Variants in FBH1 observed in about 807,000 individuals in gnomAD.
FBH1 encodes the protein F-box DNA helicase 1, also known as DNA 3'-5' helicase 1.
A neutral mutation model predicts 115.5 loss-of-function variants in FBH1; 43 were observed. The observed-to-expected ratio is 0.37, with a 90% confidence interval of 0.29 to 0.48. The LOEUF is 0.48. Among genes scored for constraint, FBH1 ranks in the 20% least tolerant of loss-of-function variants. FBH1 has a pLI of 0.99. For missense variants in FBH1, 1,001 were observed against 1,337.3 expected (o/e 0.75, Z 3.92); for synonymous variants, 524 against 507.8 (o/e 1.03, Z -0.43).
chr10:5,902,186 A>G (rs1257360245), intron 1 of FBH1, among the ~76,000 whole-genome samples: 1 of 151,980 alleles, frequency 6.6e-6, no homozygotes, highest in Non-Finnish European at 1.5e-5. Flanking sequence ...GTCAGTTCTC[A>G]ATACCAAGGG....
rs1016528222 is a variant in FBH1, at chr10:5,900,872, G to A, written c.2-2148G>A. Among the ~76,000 whole-genome samples, 3 of 152,208 alleles carry A rather than the reference G, an allele frequency of 2.0e-5. No individual in the cohort carries two copies. Among genetic ancestry groups the A allele is most frequent in the East Asian group, 3.9e-4 (2 of 5,174 alleles). On this transcript the variant is annotated intron_variant, in intron 1 of 20. Coordinates refer to ENST00000362091, the MANE Select transcript of FBH1 (RefSeq NM_178150.3). The surrounding 1 kb of genome is among the most constrained non-coding windows in gnomAD (Gnocchi z 4.2). The stretch of plus-strand genomic sequence containing the variant: ...AGCACTTTGGGAGGCCGAGGTGGAC[G>A]GATCACTTGAGGCCAGGAGTTCGAG...
In FBH1 at chr10:5,918,632, A is replaced by G. The variant is rs1314851640; in HGVS notation, c.2100+154A>G. Among the ~76,000 whole-genome samples, 2 of 152,112 alleles carry G rather than the reference A, an allele frequency of 1.3e-5. No homozygotes were observed. Among genetic ancestry groups the G allele is most frequent in the African/African-American group, 4.8e-5 (2 of 41,428 alleles). The stretch of plus-strand genomic sequence containing the variant: ...AAGTGTGGTTCTCAGGGGTCTGCCA[A>G]GTCACACTGTTTTCATAAGAGGTGT... On this transcript the variant is annotated intron_variant, in intron 13 of 20. Coordinates refer to ENST00000362091, the MANE Select transcript of FBH1 (RefSeq NM_178150.3). The surrounding 1 kb of genome is among the most constrained non-coding windows in gnomAD (Gnocchi z 4.0).
intron 2 of FBH1, among the ~76,000 whole-genome samples, 188 bp from the exon 3 acceptor site, chr10:5,905,847 AAT>A (rs1843659419): frequency 6.6e-6 from 1 of 152,252 alleles, no homozygotes; most frequent in South Asian, 2.1e-4. Context: ...TGTGTCTGGT[AAT>A]ATGATAGAGC....
intron 1 of FBH1, among the ~76,000 whole-genome samples, chr10:5,901,625 C>T (rs941728048): frequency 1.4e-5 from 2 of 145,644 alleles, no homozygotes; most frequent in Non-Finnish European, 3.0e-5. Context: ...AGTGCAATGG[C>T]ACAATCTTGG....
intron 15 of FBH1, among the ~76,000 whole-genome samples, chr10:5,922,598 C>T (rs986972660): frequency 2.0e-5 from 3 of 150,194 alleles, no homozygotes; most frequent in African/African-American, 4.9e-5. Flanking sequence ...TGTCATTACA[C>T]GTGATCACAC....
chr10:5,917,969 A>G lies in FBH1; in HGVS notation c.1963+293A>G, dbSNP rs527961279. On this transcript the variant is annotated intron_variant, in intron 12 of 20. Transcript: ENST00000362091. The surrounding 1 kb of genome is among the most constrained non-coding windows in gnomAD (Gnocchi z 5.6). Reference sequence around the variant, plus strand: ...AAGAGATCGTCCATTGACAGGGAAAAGCTTGTGTTGTCTACTTCTCAAGTG... The same window carrying G: ...AAGAGATCGTCCATTGACAGGGAAAGGCTTGTGTTGTCTACTTCTCAAGTG... Among the ~76,000 whole-genome samples the G allele has an allele frequency of 1.7e-4, 26 of 152,318 alleles. No individual in the cohort carries two copies. The highest frequency in any genetic ancestry group is 5.8e-4 in the African/African-American group (24 of 41,578).
At chr10:5,899,329 G>T (rs588742) in intron 1 of FBH1, among the ~76,000 whole-genome samples, 1 of 151,976 alleles carries the variant, frequency 6.6e-6, no homozygotes, top group African/African-American at 2.4e-5. Flanking sequence ...GTTTTGTTTT[G>T]TTTTTTTCCT....
At chr10:5,920,591 G>C (rs1276921076) in intron 13 of FBH1, among the ~76,000 whole-genome samples, 3 of 151,990 alleles carry the variant, frequency 2.0e-5, no homozygotes, top group African/African-American at 7.3e-5. Context: ...TTATAATTTC[G>C]GTTATGGTTC....
chr10:5,913,066 C>G lies in FBH1; in HGVS notation c.1212-681C>G, dbSNP rs556396057. 3.9e-5 allele frequency among the ~76,000 whole-genome samples: 6 copies of G among 152,222 alleles called. No homozygotes were observed. The South Asian group carries it at 1.2e-3, about 32-fold the overall frequency. On this transcript the variant is annotated intron_variant, in intron 6 of 20. Coordinates refer to ENST00000362091, the MANE Select transcript of FBH1 (RefSeq NM_178150.3). This position sits in a 1 kb window ranked among gnomAD's most constrained non-coding sequence, Gnocchi z 4.4. ...GAGTCCAAGCTCACCCCCGGTCTCC[C>G]CCACAGTCCAGGGGAGACTTGGAGA... is the stretch of plus-strand genomic sequence containing the variant.
chr10:5,924,544 G>C lies in FBH1; in HGVS notation c.2596+36G>C. On this transcript the variant is annotated intron_variant, in intron 17 of 20. Transcript: ENST00000362091. This position sits in a 1 kb window ranked among gnomAD's most constrained non-coding sequence, Gnocchi z 6.2. ...CAGTTGGTTTTTACCTTCCCCCTAA[G>C]AGGAGGAACAGATGGTCTTCTGCTG... 1 of 1,589,612 alleles carries C rather than the reference G, an allele frequency of 6.3e-7. No homozygotes were observed. The highest frequency in any genetic ancestry group is 1.1e-5 in the South Asian group (1 of 90,178).
At position 5,914,948 on chromosome 10, in the gene FBH1, G is replaced by A. The variant is rs1831832778; in HGVS notation, c.1397-455G>A. Among the ~76,000 whole-genome samples the A allele has an allele frequency of 6.6e-6, 1 of 152,188 alleles. No homozygotes were observed. Among genetic ancestry groups the A allele is most frequent in the Admixed American group, 6.5e-5 (1 of 15,276 alleles). On this transcript the variant is annotated intron_variant, in intron 8 of 20. Transcript: ENST00000362091. This position sits in a 1 kb window ranked among gnomAD's most constrained non-coding sequence, Gnocchi z 5.2. ...TAGTTATTCTTGTTTTATAGAGGAA[G>A]AAACTGAAGCACAGAGAGCCTTGCC...
Position 5,911,212 on chromosome 10 carries a change from C to G in FBH1, c.1211+84C>G, listed in dbSNP as rs942651998. Reference sequence around the variant, plus strand: ...CAGCAGGTCCAGCCCTGCCACTTAGCAGTGTTAGCACCTGGCAGGCTGTGG... The same window carrying G: ...CAGCAGGTCCAGCCCTGCCACTTAGGAGTGTTAGCACCTGGCAGGCTGTGG... On this transcript the variant is annotated intron_variant, in intron 6 of 20. Coordinates refer to ENST00000362091, the MANE Select transcript of FBH1 (RefSeq NM_178150.3). This position sits in a 1 kb window ranked among gnomAD's most constrained non-coding sequence, Gnocchi z 5.4. 3 of 1,373,426 alleles carry G rather than the reference C, an allele frequency of 2.2e-6. No individual in the cohort carries two copies. The highest frequency in any genetic ancestry group is 2.9e-5 in the African/African-American group (2 of 69,590). The allele number at this position is 1,373,426 out of a possible 1,614,324, so 85.1% of individuals were successfully genotyped here. A position where few individuals can be genotyped will look rare whatever the true frequency, so the allele number is the denominator to read the frequency against.
Position 5,921,784 on chromosome 10 carries a change from G to A in FBH1, c.2322+215G>A, listed in dbSNP as rs1389758168. Among the ~76,000 whole-genome samples the A allele has an allele frequency of 1.3e-5, 2 of 152,194 alleles. No homozygotes were observed. Among genetic ancestry groups the A allele is most frequent in the Non-Finnish European group, 2.9e-5 (2 of 68,042 alleles). ...GAAAGGCAGACACAAGAAGGGCTGG[G>A]GACCTTAGTTTCCACTCTTTTAACA... On this transcript the variant is annotated intron_variant, in intron 15 of 20. Coordinates refer to ENST00000362091, the MANE Select transcript of FBH1 (RefSeq NM_178150.3). This position sits in a 1 kb window ranked among gnomAD's most constrained non-coding sequence, Gnocchi z 6.4.
At chr10:5,908,816 G>T in intron 3 of FBH1, 109 bp from the exon 4 acceptor site, 2 of 1,231,370 alleles carry the variant, frequency 1.6e-6, no homozygotes, top group Non-Finnish European at 2.3e-6. Flanking sequence ...TCACCATGTT[G>T]GCCATGCTAG....
chr10:5,920,369 C>T (rs1221830617), intron 13 of FBH1, among the ~76,000 whole-genome samples: 1 of 152,202 alleles, frequency 6.6e-6, no homozygotes, highest in Admixed American at 6.5e-5. Flanking sequence ...TGTCAGGTTT[C>T]TTCACTGTAG....
At chr10:5,891,269 G>A (rs1038905352) in intron 1 of FBH1, among the ~76,000 whole-genome samples, 15 of 152,190 alleles carry the variant, frequency 9.9e-5, no homozygotes, top group Non-Finnish European at 2.2e-4. Context: ...ATTGAGTTTG[G>A]TTAAGGTAAC....
intron 3 of FBH1, among the ~76,000 whole-genome samples, chr10:5,907,598 C>G (rs1195094245): frequency 6.6e-6 from 1 of 151,494 alleles, no homozygotes; most frequent in African/African-American, 2.4e-5. Flanking sequence ...CTTAGCCTCC[C>G]AAGTAGCTGG....
In FBH1 at chr10:5,909,083, G is replaced by C. The variant is rs371573171; in HGVS notation, c.884+28G>C. On this transcript the variant is annotated intron_variant, in intron 4 of 20. Transcript: ENST00000362091. This position sits in a 1 kb window ranked among gnomAD's most constrained non-coding sequence, Gnocchi z 4.4. Reference sequence around the variant, plus strand: ...GAGCTTTGCCTGTGCTGTAAAGAAGGCGTCTTTGAAGTCTTCCTTGTACAT... The same window carrying C: ...GAGCTTTGCCTGTGCTGTAAAGAAGCCGTCTTTGAAGTCTTCCTTGTACAT... 1.4e-5 allele frequency: 22 copies of C among 1,613,832 alleles called. No homozygotes were observed. Among genetic ancestry groups the C allele is most frequent in the Non-Finnish European group, 1.8e-5 (21 of 1,180,024 alleles).
chr10:5,910,908 TC>T lies in FBH1; in HGVS notation c.1021-27del, dbSNP rs1564445013. On this transcript the variant is annotated intron_variant, in intron 5 of 20. Coordinates refer to ENST00000362091, the MANE Select transcript of FBH1 (RefSeq NM_178150.3). The surrounding 1 kb of genome is among the most constrained non-coding windows in gnomAD (Gnocchi z 4.8). Reference sequence around the variant, plus strand: ...CGTATTAACCATGGCCTGTGGGCTGTCCCTCCCTCCCTGTGCACCTGGCTTG... The same window carrying T: ...CGTATTAACCATGGCCTGTGGGCTGTCCTCCCTCCCTGTGCACCTGGCTTG... 1 of 1,587,518 alleles carries T rather than the reference TC, an allele frequency of 6.3e-7. No homozygotes were observed. Among genetic ancestry groups the T allele is most frequent in the East Asian group, 2.2e-5 (1 of 44,690 alleles).
Sources: gnomAD v4.1 joint callset for allele counts (sites outside exome capture counted in the v4.1 genomes callset) on GRCh38, gnomAD v4.1.1 for gene constraint, Gnocchi (gnomAD v3.1) non-coding constraint, MANE v1.5 for transcripts, NCBI Gene and HGNC (gene_info 2026-07-23, HGNC 2026-07-21) for gene names.